TAOK3: variants seen among roughly 807,000 people sequenced by gnomAD.
TAOK3 encodes serine/threonine-protein kinase TAO3.
TAOK3 carries 40 observed loss-of-function variants against 120.4 expected under a neutral mutation model. The ratio of observed to expected loss-of-function variants is 0.33; its 90% CI spans 0.26 to 0.43. The LOEUF (loss-of-function observed/expected upper bound fraction) is 0.43, where lower values mean the gene tolerates loss of function less well. Among genes scored for constraint, TAOK3 ranks in the 20% least tolerant of loss-of-function variants. TAOK3 has a pLI of 1.00. For synonymous variants in TAOK3, 355 were observed against 387.5 expected, an observed-to-expected ratio of 0.92 and a Z score of 0.99; for missense variants, 821 against 1,112.1, an observed-to-expected ratio of 0.74 and a Z score of 3.72.
At chr12:118,191,827 A>G (rs982366320) in intron 13 of TAOK3, among the ~76,000 whole-genome samples, 3 of 152,320 alleles carry the variant, frequency 2.0e-5, no homozygotes, top group African/African-American at 7.2e-5. Context: ...CAGAAAAGCA[A>G]GCAGCTCTTA....
chr12:118,326,912 T>C (rs1421444637), intron 1 of TAOK3, among the ~76,000 whole-genome samples: 3 of 152,192 alleles, frequency 2.0e-5, no homozygotes, highest in South Asian at 2.1e-4. Context: ...TAAGAAACTA[T>C]TGTGTATTCT....
At chr12:118,272,305 AAAAGAAAG>A (rs201811768) in intron 1 of TAOK3, among the ~76,000 whole-genome samples, 15 of 148,744 alleles carry the variant, frequency 1.0e-4, no homozygotes, top group African/African-American at 2.0e-4. Flanking sequence ...AAAAAAAAAA[AAAAGAAAG>A]AAAGAAAGAA....
chr12:118,179,963 T>TG (rs71069424), intron 15 of TAOK3, among the ~76,000 whole-genome samples: 2 of 145,632 alleles, frequency 1.4e-5, no homozygotes, highest in Non-Finnish European at 3.0e-5. Context: ...TTTTTTTTTT[T>TG]GGAGATGAAG....
Position 118,150,889 on chromosome 12 carries a change from A to T in TAOK3, c.*108T>A. The T allele has an allele frequency of 8.9e-7, 1 of 1,119,914 alleles. No individual in the cohort carries two copies. The highest frequency in any genetic ancestry group is 1.3e-6 in the Non-Finnish European group (1 of 799,404). 69.4% of individuals were successfully genotyped at this position (1,119,914 alleles called of 1,614,324 possible). ...ATGTCAGTAAGAGTAAGAGAGAGAG[A>T]GAGTGAGAGCAACGCCCGTTAAAAT... On this transcript the variant is annotated 3_prime_UTR_variant, in exon 21 of 21. Transcript: ENST00000392533.
chr12:118,246,632 G>A (rs2040522374), intron 3 of TAOK3: 1 of 1,573,062 alleles, frequency 6.4e-7, no homozygotes, highest in Non-Finnish European at 8.6e-7. Context: ...TCCCTTGCAA[G>A]GTGACAGGCC....
chr12:118,252,878 A>T (rs1425597018), intron 3 of TAOK3, among the ~76,000 whole-genome samples: 1 of 151,652 alleles, frequency 6.6e-6, no homozygotes, highest in Non-Finnish European at 1.5e-5. Context: ...GGCGTCCACC[A>T]CCATGTCCGG....
chr12:118,281,767 GA>G (rs959683100), intron 1 of TAOK3, among the ~76,000 whole-genome samples: 1 of 150,172 alleles, frequency 6.7e-6, no homozygotes, highest in African/African-American at 2.4e-5. Flanking sequence ...AAAAAAAAAA[GA>G]AAAAAATTAA....
chr12:118,231,215 C>A (rs1362821097), intron 9 of TAOK3, among the ~76,000 whole-genome samples: 1 of 152,004 alleles, frequency 6.6e-6, no homozygotes, highest in African/African-American at 2.4e-5. Context: ...TGGTTCCCTG[C>A]GTGTGTTGGC....
rs1322692178 is a variant in TAOK3 at position 118,214,012 on chromosome 12, C to T, written c.737+5G>A. On this transcript the variant is annotated splice_donor_5th_base_variant and intron_variant, in intron 10 of 20. Coordinates refer to ENST00000392533, the MANE Select transcript of TAOK3 (RefSeq NM_016281.4). ...TAGAGATTTAAAATGATAGCAGAGT[C>T]TTACCATTCATTAGACTGTAACGTT... 1 of 1,604,906 alleles carries T rather than the reference C, an allele frequency of 6.2e-7. No individual in the cohort carries two copies. Among genetic ancestry groups the T allele is most frequent in the South Asian group, 1.1e-5 (1 of 90,606 alleles).
intron 1 of TAOK3, among the ~76,000 whole-genome samples, chr12:118,321,512 G>C (rs1350574809): frequency 6.6e-6 from 1 of 152,048 alleles, no homozygotes; most frequent in Non-Finnish European, 1.5e-5. Context: ...CTCCTACCTC[G>C]GTTTCCCAAA....
intron 9 of TAOK3, among the ~76,000 whole-genome samples, chr12:118,223,257 G>A (rs2039335327): frequency 6.6e-6 from 1 of 151,130 alleles, no homozygotes; most frequent in African/African-American, 2.4e-5. Flanking sequence ...ATTTTTAGTA[G>A]AGACGGGGTT....
intron 1 of TAOK3, among the ~76,000 whole-genome samples, chr12:118,312,275 A>G (rs1395122410): frequency 3.9e-5 from 6 of 152,182 alleles, no homozygotes; most frequent in Non-Finnish European, 8.8e-5. Flanking sequence ...ACTAAATTCC[A>G]AAGATTAAAA....
intron 2 of TAOK3, among the ~76,000 whole-genome samples, chr12:118,258,750 T>C (rs2041101252): frequency 6.6e-6 from 1 of 151,870 alleles, no homozygotes; most frequent in Non-Finnish European, 1.5e-5. Flanking sequence ...TTTGATTTTA[T>C]TGCTTATGTC....
chr12:118,180,760 G>A (rs567907367), intron 15 of TAOK3, among the ~76,000 whole-genome samples: 3 of 152,170 alleles, frequency 2.0e-5, no homozygotes, highest in Non-Finnish European at 2.9e-5. Context: ...TGTTGTGCAC[G>A]TTCTCAGAAG....
intron 9 of TAOK3, among the ~76,000 whole-genome samples, chr12:118,215,771 G>T (rs1449810504): frequency 6.6e-6 from 1 of 152,112 alleles, no homozygotes; most frequent in East Asian, 1.9e-4. Flanking sequence ...TGTTGCCCAG[G>T]CTGGAGTGCA....
intron 3 of TAOK3, among the ~76,000 whole-genome samples, chr12:118,248,254 G>A (rs1593293171): frequency 1.4e-5 from 2 of 144,946 alleles, no homozygotes; most frequent in East Asian, 4.0e-4. Context: ...TTTTAAAAAA[G>A]CATTAAGGTA....
intron 13 of TAOK3, among the ~76,000 whole-genome samples, chr12:118,196,817 CCA>C (rs1227790768): frequency 6.6e-6 from 1 of 152,090 alleles, no homozygotes; most frequent in Non-Finnish European, 1.5e-5. Flanking sequence ...TTCATTCATT[CCA>C]CAGTTATTTA....
intron 3 of TAOK3, among the ~76,000 whole-genome samples, chr12:118,252,723 CTTTTT>C (rs781342587): frequency 2.1e-5 from 3 of 139,914 alleles, no homozygotes; most frequent in Non-Finnish European, 4.7e-5. Context: ...TTTTTCTTTT[CTTTTT>C]TTTTTTTTTG....
At chr12:118,171,079 T>G (rs2035969130) in intron 17 of TAOK3, among the ~76,000 whole-genome samples, 1 of 152,240 alleles carries the variant, frequency 6.6e-6, no homozygotes, top group African/African-American at 2.4e-5. Context: ...AACACAGTAT[T>G]CTGTATTCCT....
Sources: gnomAD v4.1 joint callset for allele counts (sites outside exome capture counted in the v4.1 genomes callset) on GRCh38, gnomAD v4.1.1 for gene constraint, MANE v1.5 for transcripts, NCBI Gene and HGNC (gene_info 2026-07-23, HGNC 2026-07-21) for gene names.